The following RABL6 variants were observed in gnomAD, a reference collection of about 807,000 sequenced individuals.
The protein encoded by RABL6 is rab-like protein 6.
RABL6 carries 28 observed loss-of-function variants against 72.9 expected under a neutral mutation model. The observed-to-expected ratio is 0.38, with a 90% CI of 0.28 to 0.53. The LOEUF is 0.53. RABL6 is among the 20% of genes least tolerant of loss of function. The pLI is 0.80. For synonymous variants in RABL6, 477 were observed against 421.2 expected (o/e 1.13, Z -1.62); for missense variants, 1,029 against 1,008.4 (o/e 1.02, Z -0.28).
Position 136,829,798 on chromosome 9 carries a change from T to A in RABL6, c.458+314T>A, listed in dbSNP as rs1848433832. Among the ~76,000 whole-genome samples, 3 of 152,246 alleles carry A rather than the reference T, an allele frequency of 2.0e-5. No homozygotes were observed. The South Asian group carries it at 6.2e-4, about 32-fold the overall frequency. ...CTGAGACTTGGCGGAAGCAAGTGGCTGCTTGTGCTGGGGGCTCCCCGCGAC... is the reference window on the plus strand; with the variant it reads ...CTGAGACTTGGCGGAAGCAAGTGGCAGCTTGTGCTGGGGGCTCCCCGCGAC... On this transcript the variant is annotated intron_variant, in intron 5 of 14. Coordinates refer to ENST00000311502, the MANE Select transcript of RABL6 (RefSeq NM_024718.5).
At chr9:136,815,173 G>A (rs1245983374) in intron 1 of RABL6, 5 of 327,000 alleles carry the variant, frequency 1.5e-5, no homozygotes, top group East Asian at 1.1e-4. Context: ...CCTTCTTGGC[G>A]TTCTTGCCGT....
intron 5 of RABL6, among the ~76,000 whole-genome samples, chr9:136,830,471 G>A (rs902738618): frequency 2.0e-5 from 3 of 152,388 alleles, no homozygotes; most frequent in Admixed American, 2.0e-4. Context: ...CGGATGGCAG[G>A]AGAACCACAC....
intron 1 of RABL6, chr9:136,809,200 T>C (rs543347702): frequency 6.5e-6 from 1 of 154,848 alleles, no homozygotes; most frequent in East Asian, 1.9e-4. Flanking sequence ...CTCCGTGATA[T>C]TTCCATGGTA....
At chr9:136,821,281 G>T (rs1848230420) in intron 1 of RABL6, 11 of 970,320 alleles carry the variant, frequency 1.1e-5, no homozygotes, top group Non-Finnish European at 1.3e-5. Flanking sequence ...GCGGGAAAAC[G>T]GGCGGTCGCT....
intron 1 of RABL6, among the ~76,000 whole-genome samples, chr9:136,822,879 G>A (rs1010439374): frequency 6.6e-6 from 1 of 152,188 alleles, no homozygotes; most frequent in East Asian, 1.9e-4. Context: ...ACGAGGTCAG[G>A]AGATCGAGAC....
Position 136,837,464 on chromosome 9 carries a change from G to T in RABL6, c.928G>T (p.Gly310Trp). The change falls in exon 9 of 15, where the codon GGG becomes TGG. Residue 310 changes from glycine (G) to tryptophan (W), a missense_variant. Gly to Trp is a radical substitution (Grantham distance 184, BLOSUM62 -2). Coordinates refer to ENST00000311502, the MANE Select transcript of RABL6 (RefSeq NM_024718.5). Reference sequence around the variant, plus strand: ...GGTGCCTGCAGGCGCTGTGTCCACGGGGAGCTCCAGCCCCGGCACACCCCA... The same window carrying T: ...GGTGCCTGCAGGCGCTGTGTCCACGTGGAGCTCCAGCCCCGGCACACCCCA... Reference protein sequence around the residue: ...PVVPAGAVSTGSSSPGTPQPA... With the variant: ...PVVPAGAVSTWSSSPGTPQPA... 6.4e-7 allele frequency: 1 copy of T among 1,557,944 alleles called. No individual in the cohort carries two copies. Among genetic ancestry groups the T allele is most frequent in the Non-Finnish European group, 8.7e-7 (1 of 1,154,514 alleles).
intron 1 of RABL6, among the ~76,000 whole-genome samples, chr9:136,817,524 G>A (rs546783276): frequency 2.0e-5 from 3 of 149,888 alleles, no homozygotes; most frequent in South Asian, 4.2e-4. Flanking sequence ...GGAGGCCGAC[G>A]TGGGCTGTGG....
rs1358455176 is a variant in RABL6, at chr9:136,823,427, G to A, written c.131-98G>A. 9 of 1,468,754 alleles carry A rather than the reference G, an allele frequency of 6.1e-6. No individual in the cohort carries two copies. The East Asian group carries it at 7.1e-5, about 12-fold the overall frequency. 91.0% of individuals were successfully genotyped at this position (1,468,754 alleles called of 1,614,324 possible). ...GATTCTAGCAAGAAAGATGAAACAG[G>A]TGGCAGCAGAACCGGCTCTCCTTGT... is the stretch of plus-strand genomic sequence containing the variant. On this transcript the variant is annotated intron_variant, in intron 1 of 14. Transcript: ENST00000311502.
At chr9:136,839,179 C>T (rs374192794) in intron 11 of RABL6, 43 bp from the exon 12 acceptor site, 336 of 1,600,220 alleles carry the variant, frequency 2.1e-4, no homozygotes, top group South Asian at 1.1e-3. Flanking sequence ...CAGTTCAGGA[C>T]GCCTCCAGAG....
chr9:136,819,889 C>G (rs1194594828), intron 1 of RABL6, among the ~76,000 whole-genome samples: 3 of 152,134 alleles, frequency 2.0e-5, no homozygotes, highest in Non-Finnish European at 4.4e-5. Context: ...AAGCAAGACC[C>G]TGTCTCTAAG....
rs749309329 is a variant in RABL6, at chr9:136,840,617, C to T, written c.*95C>T. On this transcript the variant is annotated 3_prime_UTR_variant, in exon 15 of 15. Transcript: ENST00000311502. The stretch of plus-strand genomic sequence containing the variant: ...TGTACCATCGCCTTTGCCGCTGCCC[C>T]GTGGCTGCCGTGTGCGCTTCTGAGC... The T allele has an allele frequency of 5.2e-5, 80 of 1,549,544 alleles. No homozygotes were observed. The highest frequency in any genetic ancestry group is 2.2e-4 in the East Asian group (9 of 40,912).
At chr9:136,822,092 G>T in intron 1 of RABL6, 1 of 1,288,054 alleles carries the variant, frequency 7.8e-7, no homozygotes, top group Non-Finnish European at 1.0e-6. Flanking sequence ...TGGGCCAGGA[G>T]AGAGGAGCCG....
chr9:136,831,276 G>A (rs558277441), intron 5 of RABL6, among the ~76,000 whole-genome samples: 3 of 152,188 alleles, frequency 2.0e-5, no homozygotes, highest in South Asian at 2.1e-4. Context: ...CCGCTTCACC[G>A]GCAGCCGCAG....
intron 1 of RABL6, among the ~76,000 whole-genome samples, chr9:136,810,302 G>A (rs900156250): frequency 7.9e-5 from 12 of 152,140 alleles, no homozygotes; most frequent in Admixed American, 2.6e-4. Context: ...GGTCCTGGGC[G>A]AGTGTGACTA....
rs755648442 is a variant in RABL6, at chr9:136,831,782, C to T, written c.520C>T (p.Leu174=). ...GCCCACCCACGTGCCAGTGTGCGTG[C>T]TGGGAAACTACCGGGACATGGGCGA... ...KVPTHVPVCV[L]GNYRDMGEHR... is the part of the protein sequence containing the mutation. Residue 174 remains leucine (L), a synonymous_variant, in exon 6 of 15, where the codon CTG becomes TTG. Coordinates refer to ENST00000311502, the MANE Select transcript of RABL6 (RefSeq NM_024718.5). 2.2e-5 allele frequency: 36 copies of T among 1,613,384 alleles called. No homozygotes were observed. In the Admixed American group the frequency reaches 6.0e-4, roughly 27 times the overall value.
chr9:136,812,834 C>T (rs1240540713), intron 1 of RABL6: 3 of 338,112 alleles, frequency 8.9e-6, no homozygotes, highest in East Asian at 1.6e-4. Flanking sequence ...TCTGCCTCCC[C>T]AGAAGCTGCC....
chr9:136,839,055 A>G lies in RABL6; in HGVS notation c.1427A>G (p.Glu476Gly). The change falls in exon 11 of 15, where the codon GAA becomes GGA. Residue 476 changes from glutamate (E) to glycine (G), a missense_variant. Transcript: ENST00000311502. ...DITLSSEEEA[E>G]VAAPTKGPAP... ...ACTCTTTCGAGTGAGGAGGAAGCAG[A>G]AGTGGCAGCTCCCACAAAAGGCCCT... 1 of 1,612,380 alleles carries G rather than the reference A, an allele frequency of 6.2e-7. No homozygotes were observed. Among genetic ancestry groups the G allele is most frequent in the Non-Finnish European group, 8.5e-7 (1 of 1,179,746 alleles).
chr9:136,838,773 ACAACACAGCACCTGGGGTGGGG>A (rs1848630307), intron 10 of RABL6, 114 bp from the exon 11 acceptor site: 1 of 771,294 alleles, frequency 1.3e-6, no homozygotes, highest in South Asian at 1.9e-5. Flanking sequence ...GGGCCTCTCC[ACAACACAGCACCTGGGGTGGGG>A]TGGCCCCACG....
intron 1 of RABL6, chr9:136,822,044 ACTGTGGGAACAGGTGC>A: frequency 7.8e-7 from 1 of 1,289,556 alleles, no homozygotes; most frequent in Non-Finnish European, 1.0e-6. Flanking sequence ...AGAAGAAATG[ACTGTGGGAACAGGTGC>A]CTTGAGGTAG....
Sources: allele counts gnomAD v4.1 joint callset (sites outside exome capture counted in the v4.1 genomes callset), GRCh38; gene constraint gnomAD v4.1.1; transcripts MANE v1.5; gene names NCBI Gene and HGNC (gene_info 2026-07-23, HGNC 2026-07-21).